Variants in RCC2 observed in about 807,000 individuals in gnomAD.
The protein encoded by RCC2 is regulator of chromosome condensation 2, also known as protein RCC2.
A neutral mutation model predicts 64.1 loss-of-function variants in RCC2; 19 were observed. That is an observed-to-expected ratio of 0.30 (90% CI 0.21 to 0.44). The LOEUF is 0.44. RCC2 is among the 20% of genes least tolerant of loss of function. RCC2 has a pLI of 1.00. For missense variants in RCC2, 508 were observed against 710.4 expected, an observed-to-expected ratio of 0.72 and a Z score of 3.24; for synonymous variants, 325 against 279.6, an observed-to-expected ratio of 1.16 and a Z score of -1.62.
chr1:17,419,671 GT>G (rs2075529508), intron 7 of RCC2, among the ~76,000 whole-genome samples: 1 of 152,180 alleles, frequency 6.6e-6, no homozygotes, highest in Non-Finnish European at 1.5e-5. Context: ...AAAGTGAGCC[GT>G]TTTTATCACC....
chr1:17,431,303 C>CA (rs1484384892), intron 2 of RCC2, among the ~76,000 whole-genome samples: 1 of 125,160 alleles, frequency 8.0e-6, no homozygotes. Context: ...CACTGCACTC[C>CA]AGCCTGGGCG....
At position 17,420,571 on chromosome 1, in the gene RCC2, C is replaced by G. The variant is rs149236829; in HGVS notation, c.859+143G>C. On this transcript the variant is annotated intron_variant, in intron 7 of 12. Coordinates refer to ENST00000375436, the MANE Select transcript of RCC2 (RefSeq NM_018715.4). ...AATGAGGACGCGCTGTTCTGCTGAA[C>G]GTGAGATCCACTTAACGGACAAAGG... 154 of 498,902 alleles carry G rather than the reference C, an allele frequency of 3.1e-4. 2 individuals carry two copies. Among genetic ancestry groups the G allele is most frequent in the Middle Eastern group, 2.8e-3 (5 of 1,788 alleles). 30.9% of individuals were successfully genotyped at this position (498,902 alleles called of 1,614,324 possible). A position where few individuals can be genotyped will look rare whatever the true frequency, so the allele number is the denominator to read the frequency against.
At chr1:17,409,597 C>A (rs531190792) in intron 12 of RCC2, among the ~76,000 whole-genome samples, 8 of 151,886 alleles carry the variant, frequency 5.3e-5, no homozygotes, top group South Asian at 4.1e-4. Context: ...GGGGCCTCAC[C>A]CCGCCATCTG....
chr1:17,430,137 T>G (rs1044491607), intron 2 of RCC2, among the ~76,000 whole-genome samples: 2 of 152,246 alleles, frequency 1.3e-5, no homozygotes, highest in East Asian at 3.9e-4. Context: ...TTCACTGCTA[T>G]CACTTTCCGC....
At chr1:17,431,534 A>C (rs993210874) in intron 2 of RCC2, among the ~76,000 whole-genome samples, 7 of 147,708 alleles carry the variant, frequency 4.7e-5, no homozygotes, top group African/African-American at 1.5e-4. Context: ...AAGAAAGAAA[A>C]AGAAAAAAGG....
Position 17,428,625 on chromosome 1 carries a change from A to G in RCC2, c.379+481T>C, listed in dbSNP as rs116513154. Among the ~76,000 whole-genome samples, 398 of 152,338 alleles carry G rather than the reference A, an allele frequency of 2.6e-3. 2 individuals are homozygous for G. Among genetic ancestry groups the G allele is most frequent in the African/African-American group, 8.9e-3 (370 of 41,574 alleles). ...AACTGGGGACAAAACATTACTTCTT[A>G]AGGACCTCTCTGCTTTCCCCCGCTC... On this transcript the variant is annotated intron_variant, in intron 3 of 12. Coordinates refer to ENST00000375436, the MANE Select transcript of RCC2 (RefSeq NM_018715.4).
intron 7 of RCC2, among the ~76,000 whole-genome samples, chr1:17,417,481 A>C (rs1460702996): frequency 6.6e-6 from 1 of 152,210 alleles, no homozygotes; most frequent in African/African-American, 2.4e-5. Flanking sequence ...CAGCCTGGCC[A>C]ACACAGTGAA....
intron 4 of RCC2, among the ~76,000 whole-genome samples, chr1:17,423,161 A>C (rs1283171784): frequency 3.3e-5 from 5 of 152,068 alleles, no homozygotes; most frequent in African/African-American, 1.2e-4. Flanking sequence ...TCGCAGAAAC[A>C]CGCCGTTCCC....
chr1:17,419,795 C>T (rs917019025), intron 7 of RCC2, among the ~76,000 whole-genome samples: 6 of 152,150 alleles, frequency 3.9e-5, no homozygotes, highest in Non-Finnish European at 5.9e-5. Flanking sequence ...GGCACCGCAG[C>T]AGGGCTGTGG....
intron 4 of RCC2, among the ~76,000 whole-genome samples, chr1:17,423,988 G>A (rs2075585637): frequency 2.0e-5 from 3 of 152,204 alleles, no homozygotes; most frequent in Admixed American, 2.0e-4. Context: ...GGCCAGCACT[G>A]GCACTCGAGC....
chr1:17,420,563 C>T, intron 7 of RCC2, 151 bp downstream of exon 7: 1 of 485,248 alleles, frequency 2.1e-6, no homozygotes, highest in Non-Finnish European at 3.7e-6. Context: ...ACGCGCTGTT[C>T]TGCTGAACGT....
Position 17,408,956 on chromosome 1 carries a change from C to G in RCC2, c.*134G>C. The G allele has an allele frequency of 1.4e-6, 1 of 719,452 alleles. No individual in the cohort carries two copies. The highest frequency in any genetic ancestry group is 2.5e-6 in the Non-Finnish European group (1 of 395,232). 44.6% of individuals were successfully genotyped at this position (719,452 alleles called of 1,614,324 possible). A position where few individuals can be genotyped will look rare whatever the true frequency, so the allele number is the denominator to read the frequency against. On this transcript the variant is annotated 3_prime_UTR_variant, in exon 13 of 13. Coordinates refer to ENST00000375436, the MANE Select transcript of RCC2 (RefSeq NM_018715.4). ...TTGGATCATGTGTAAAACGGAACCTCAGGGAGTCTAAACAAAAATGCACCT... is the reference window on the plus strand; with the variant it reads ...TTGGATCATGTGTAAAACGGAACCTGAGGGAGTCTAAACAAAAATGCACCT...
At chr1:17,415,952 C>T (rs1393295661) in intron 8 of RCC2, among the ~76,000 whole-genome samples, 1 of 151,528 alleles carries the variant, frequency 6.6e-6, no homozygotes, top group Non-Finnish European at 1.5e-5. Flanking sequence ...GCCTGTAATC[C>T]CAGCTACTCG....
At chr1:17,433,602 A>G (rs4920607) in intron 2 of RCC2, among the ~76,000 whole-genome samples, 53,725 of 152,012 alleles carry the variant, frequency 0.35, 9,579 homozygotes, top group South Asian at 0.41. Context: ...AGTCTGCCCA[A>G]TGAGATGAGT....
chr1:17,438,908 C>A (rs1050145952), intron 1 of RCC2, among the ~76,000 whole-genome samples: 1 of 152,202 alleles, frequency 6.6e-6, no homozygotes, highest in Non-Finnish European at 1.5e-5. Context: ...CGGGACACTT[C>A]CAGGATTCCC....
At chr1:17,424,624 T>C (rs1054606170) in intron 4 of RCC2, among the ~76,000 whole-genome samples, 2 of 152,198 alleles carry the variant, frequency 1.3e-5, no homozygotes, top group African/African-American at 2.4e-5. Context: ...GATGTTAATA[T>C]ATTTGGACTT....
In RCC2 at chr1:17,427,694, G is replaced by T. The variant is rs534555841; in HGVS notation, c.379+1412C>A. On this transcript the variant is annotated intron_variant, in intron 3 of 12. Transcript: ENST00000375436. ...ACTTGCTTGGCCAAGGGGAGTCTCAGGTGGTCAGATGCTCCTGGACTTACC... is the reference window on the plus strand; with the variant it reads ...ACTTGCTTGGCCAAGGGGAGTCTCATGTGGTCAGATGCTCCTGGACTTACC... 4.2e-3 allele frequency among the ~76,000 whole-genome samples: 640 copies of T among 152,254 alleles called. 4 individuals carry two copies. Among genetic ancestry groups the T allele is most frequent in the Non-Finnish European group, 7.0e-3 (474 of 68,012 alleles).
intron 2 of RCC2, among the ~76,000 whole-genome samples, chr1:17,436,294 A>G (rs1350226218): frequency 2.6e-5 from 4 of 152,218 alleles, no homozygotes; most frequent in Non-Finnish European, 5.9e-5. Flanking sequence ...ACTTGAGGCC[A>G]GCAGTTTGAG....
At chr1:17,438,575 G>A in intron 1 of RCC2, 53 bp from the exon 2 acceptor site, 2 of 1,275,154 alleles carry the variant, frequency 1.6e-6, no homozygotes, top group East Asian at 2.9e-5. Flanking sequence ...TAAACTGCGC[G>A]GGGGGAGGGG....
Sources: gnomAD v4.1 joint callset for allele counts (sites outside exome capture counted in the v4.1 genomes callset) on GRCh38, gnomAD v4.1.1 for gene constraint, MANE v1.5 for transcripts, NCBI Gene and HGNC (gene_info 2026-07-23, HGNC 2026-07-21) for gene names.